ARL6IP6: variants seen among roughly 807,000 people sequenced by gnomAD.
The protein encoded by ARL6IP6 is ADP-ribosylation factor-like protein 6-interacting protein 6.
Under a neutral mutation model 21.5 loss-of-function variants are expected in ARL6IP6, and 22 were observed. The ratio of observed to expected loss-of-function variants is 1.02; its 90% CI spans 0.73 to 1.46. The LOEUF (loss-of-function observed/expected upper bound fraction) is 1.46. Among genes scored for constraint, ARL6IP6 ranks in the 40% most tolerant of loss-of-function variants. The pLI, the probability that ARL6IP6 is intolerant of heterozygous loss-of-function variation, is 0.00. For synonymous variants in ARL6IP6, 164 were observed against 125.3 expected, an observed-to-expected ratio of 1.31 and a Z score of -2.06; for missense variants, 388 against 299.8, an observed-to-expected ratio of 1.29 and a Z score of -2.17.
chr2:152,733,644 C>G (rs1251841874), intron 2 of ARL6IP6, among the ~76,000 whole-genome samples: 1 of 152,168 alleles, frequency 6.6e-6, no homozygotes, highest in Non-Finnish European at 1.5e-5. Context: ...GGACTAGTCT[C>G]TATTTTTGCT....
upstream of ARL6IP6, chr2:152,717,921 C>T: frequency 1.0e-6 from 1 of 999,540 alleles, no homozygotes; most frequent in Non-Finnish European, 1.2e-6. Context: ...GCGCGGTGCT[C>T]GAGGCGGAGG....
Position 152,739,263 on chromosome 2 carries a change from G to A in ARL6IP6, c.587+4137G>A, listed in dbSNP as rs146344690. ...GCCTCCCAAAGTACTGGGATTACAG[G>A]CGTGAGCCACCGCACCCAGCCAAAA... On this transcript the variant is annotated intron_variant, in intron 3 of 3. Coordinates refer to ENST00000326446, the MANE Select transcript of ARL6IP6 (RefSeq NM_152522.7). Among the ~76,000 whole-genome samples the A allele has an allele frequency of 2.6e-3, 403 of 152,266 alleles. 1 individual carries two copies. Among genetic ancestry groups the A allele is most frequent in the African/African-American group, 9.1e-3 (379 of 41,556 alleles).
chr2:152,725,076 C>T (rs1314138529), intron 2 of ARL6IP6, among the ~76,000 whole-genome samples: 1 of 152,080 alleles, frequency 6.6e-6, no homozygotes, highest in African/African-American at 2.4e-5. Flanking sequence ...TCGAGCAGTT[C>T]TGTTTGTAAG....
At chr2:152,755,611 G>A (rs1701551173) in intron 3 of ARL6IP6, among the ~76,000 whole-genome samples, 1 of 152,142 alleles carries the variant, frequency 6.6e-6, no homozygotes. Context: ...GCAGAGAAGG[G>A]CCCCCTGTCC....
chr2:152,718,444 C>T (rs959197745), upstream of ARL6IP6: 90 of 808,016 alleles, frequency 1.1e-4, no homozygotes, highest in Non-Finnish European at 1.5e-4. Flanking sequence ...AAGCGCATTC[C>T]GCCTCTCCTT....
rs754211748 is a variant in ARL6IP6, at chr2:152,718,906, C to G, written c.282C>G (p.Ala94=). Reference sequence around the variant, plus strand: ...AGCGCAATGGTATCTTTCCCGCGGCCGCGGGCAGCAGAGCCCAGCCTCGGC... The same window carrying G: ...AGCGCAATGGTATCTTTCCCGCGGCGGCGGGCAGCAGAGCCCAGCCTCGGC... ...PDKRNGIFPA[A]AGSRAQPRRW... Residue 94 remains alanine, a synonymous_variant, in exon 1 of 4, where the codon GCC becomes GCG. Coordinates refer to ENST00000326446, the MANE Select transcript of ARL6IP6 (RefSeq NM_152522.7). 5 of 1,613,874 alleles carry G rather than the reference C, an allele frequency of 3.1e-6. No individual in the cohort carries two copies. The highest frequency in any genetic ancestry group is 4.2e-6 in the Non-Finnish European group (5 of 1,179,896).
intron 3 of ARL6IP6, among the ~76,000 whole-genome samples, chr2:152,751,707 A>G (rs1424135318): frequency 1.3e-5 from 2 of 149,314 alleles, no homozygotes; most frequent in Admixed American, 6.7e-5. Flanking sequence ...ACAGTATTTC[A>G]TTTTTTTTTA....
At chr2:152,756,193 A>C (rs1412394877) in intron 3 of ARL6IP6, among the ~76,000 whole-genome samples, 1 of 152,142 alleles carries the variant, frequency 6.6e-6, no homozygotes, top group African/African-American at 2.4e-5. Context: ...TTTCCTTCTA[A>C]GAGTTTTATA....
chr2:152,720,187 A>G, intron 1 of ARL6IP6: 1 of 298,084 alleles, frequency 3.4e-6, no homozygotes, highest in Admixed American at 5.3e-5. Flanking sequence ...TCACAAAACC[A>G]TGATAAGTGG....
At chr2:152,731,010 C>T (rs1280287658) in intron 2 of ARL6IP6, among the ~76,000 whole-genome samples, 1 of 152,228 alleles carries the variant, frequency 6.6e-6, no homozygotes, top group Non-Finnish European at 1.5e-5. Context: ...AAGCCCCTCA[C>T]TCTCTCCCTG....
At chr2:152,726,558 T>A (rs1700061201) in intron 2 of ARL6IP6, among the ~76,000 whole-genome samples, 1 of 152,250 alleles carries the variant, frequency 6.6e-6, no homozygotes, top group African/African-American at 2.4e-5. Flanking sequence ...TAGAAAACTA[T>A]AGAATCTAAT....
upstream of ARL6IP6, chr2:152,718,489 C>G (rs768920434): frequency 3.1e-6 from 4 of 1,303,654 alleles, no homozygotes; most frequent in Non-Finnish European, 4.1e-6. Flanking sequence ...CCGCCGCCCA[C>G]CCTTGCTCTC....
chr2:152,719,101 C>T (rs563545307), intron 1 of ARL6IP6, 77 bp downstream of exon 1: 376 of 1,411,410 alleles, frequency 2.7e-4, no homozygotes, highest in Non-Finnish European at 3.2e-4. Flanking sequence ...CACCCATCTC[C>T]CTTTCCCTCG....
In ARL6IP6 at chr2:152,759,122, CAG is replaced by C. The variant is rs1013119757; in HGVS notation, c.588-624_588-623del. Among the ~76,000 whole-genome samples the C allele has an allele frequency of 2.0e-4, 30 of 152,190 alleles. 2 individuals carry two copies. The Middle Eastern group carries it at 0.031, about 155-fold the overall frequency. On this transcript the variant is annotated intron_variant, in intron 3 of 3. Coordinates refer to ENST00000326446, the MANE Select transcript of ARL6IP6 (RefSeq NM_152522.7). ...GTTACAAGATAAAGGAAACAAATGT[CAG>C]GGAATATTCATGCACATAAGAGTTA...
At chr2:152,731,871 C>T (rs190925978) in intron 2 of ARL6IP6, among the ~76,000 whole-genome samples, 1 of 152,068 alleles carries the variant, frequency 6.6e-6, no homozygotes, top group Admixed American at 6.5e-5. Flanking sequence ...ATATTTTCCC[C>T]TTATTTATAC....
intron 3 of ARL6IP6, among the ~76,000 whole-genome samples, chr2:152,738,882 C>T (rs1700673102): frequency 6.6e-6 from 1 of 151,250 alleles, no homozygotes; most frequent in Admixed American, 6.6e-5. Flanking sequence ...TCTTTTCTGT[C>T]ACATAGTCAG....
intron 3 of ARL6IP6, among the ~76,000 whole-genome samples, chr2:152,742,566 T>C (rs1268523951): frequency 1.7e-5 from 2 of 119,016 alleles, no homozygotes; most frequent in Non-Finnish European, 3.5e-5. Context: ...CAAGATACGC[T>C]CTTTAAAAAA....
chr2:152,745,479 A>G (rs1701001650), intron 3 of ARL6IP6, among the ~76,000 whole-genome samples: 1 of 152,202 alleles, frequency 6.6e-6, no homozygotes. Flanking sequence ...TTGGGCATAT[A>G]TATAAGCCTT....
At chr2:152,727,601 C>T (rs1380927818) in intron 2 of ARL6IP6, among the ~76,000 whole-genome samples, 1 of 152,066 alleles carries the variant, frequency 6.6e-6, no homozygotes, top group Non-Finnish European at 1.5e-5. Context: ...ACAGGTGTAC[C>T]ATATTTTATC....
Sources: allele counts gnomAD v4.1 joint callset (sites outside exome capture counted in the v4.1 genomes callset), GRCh38; gene constraint gnomAD v4.1.1; transcripts MANE v1.5; gene names NCBI Gene and HGNC (gene_info 2026-07-23, HGNC 2026-07-21).